Variants in POLR3E observed in about 807,000 individuals in gnomAD.
POLR3E encodes RNA polymerase III subunit E.
POLR3E carries 41 observed loss-of-function variants against 96.6 expected under a neutral mutation model. The ratio of observed to expected loss-of-function variants is 0.42; its 90% CI spans 0.33 to 0.55. The LOEUF is 0.55. Ranked by LOEUF, POLR3E falls within the 20% of genes least tolerant of loss-of-function variation. POLR3E has a pLI of 0.06. For missense variants in POLR3E, 849 were observed against 952.1 expected (o/e 0.89, Z 1.43); for synonymous variants, 396 against 383.6 (o/e 1.03, Z -0.38).
At chr16:22,304,917 G>A (rs1245866671) in intron 2 of POLR3E, among the ~76,000 whole-genome samples, 1 of 152,134 alleles carries the variant, frequency 6.6e-6, no homozygotes, top group Non-Finnish European at 1.5e-5. Context: ...GAACTTGGGT[G>A]GGGGTACCAG....
chr16:22,332,226 T>TG, intron 20 of POLR3E, 41 bp downstream of exon 20: 1 of 1,590,858 alleles, frequency 6.3e-7, no homozygotes, highest in Middle Eastern at 1.7e-4. Flanking sequence ...TCAAAGGCTC[T>TG]GGAAGGGGCT....
chr16:22,311,178 A>G (rs2048237610), intron 6 of POLR3E, among the ~76,000 whole-genome samples: 1 of 151,160 alleles, frequency 6.6e-6, no homozygotes, highest in Non-Finnish European at 1.5e-5. Context: ...CATGTTGGCC[A>G]GGCTGGTCTC....
Position 22,309,361 on chromosome 16 carries a change from C to T in POLR3E, c.282-67C>T, listed in dbSNP as rs1019602549. The T allele has an allele frequency of 6.1e-5, 71 of 1,162,346 alleles. No homozygotes were observed. In the East Asian group the frequency reaches 7.0e-4, roughly 11 times the overall value. The allele number at this position is 1,162,346 out of a possible 1,614,324, so 72.0% of individuals were successfully genotyped here. A position where few individuals can be genotyped will look rare whatever the true frequency, so the allele number is the denominator to read the frequency against. On this transcript the variant is annotated intron_variant, in intron 5 of 20. Transcript: ENST00000299853. ...CAGAAAGTGTCTAGGGGGTGGGGTG[C>T]GCTGTGGCCACAGGCCCTGGCTCGG...
Position 22,313,760 on chromosome 16 carries a change from C to A in POLR3E, c.472+33C>A. 7.1e-7 allele frequency: 1 copy of A among 1,416,898 alleles called. No individual in the cohort carries two copies. Among genetic ancestry groups the A allele is most frequent in the South Asian group, 1.1e-5 (1 of 87,066 alleles). 87.8% of individuals were successfully genotyped at this position (1,416,898 alleles called of 1,614,324 possible). On this transcript the variant is annotated intron_variant, in intron 7 of 20. Coordinates refer to ENST00000299853, the MANE Select transcript of POLR3E (RefSeq NM_018119.4). The surrounding 1 kb of genome is among the most constrained non-coding windows in gnomAD (Gnocchi z 4.1). Reference sequence around the variant, plus strand: ...CGGGATCCCCAGCCCTGCTGCCTGCCTGCCTTCATCCTGGTGGGATGGCTT... The same window carrying A: ...CGGGATCCCCAGCCCTGCTGCCTGCATGCCTTCATCCTGGTGGGATGGCTT...
chr16:22,316,482 G>A, intron 9 of POLR3E, 119 bp from the exon 10 acceptor site: 1 of 721,684 alleles, frequency 1.4e-6, no homozygotes, highest in East Asian at 2.6e-5. Flanking sequence ...GCCGTGCTCA[G>A]GAGGTTGGAT....
intron 8 of POLR3E, 74 bp downstream of exon 8, chr16:22,314,202 C>G: frequency 8.3e-7 from 1 of 1,206,770 alleles, no homozygotes. Flanking sequence ...GGTAGCGGGT[C>G]TTCACAGAAT....
chr16:22,317,128 GC>G lies in POLR3E; in HGVS notation c.792del (p.Ser265AlafsTer21). On this transcript the variant is annotated frameshift_variant, in exon 12 of 21. Coordinates refer to ENST00000299853, the MANE Select transcript of POLR3E (RefSeq NM_018119.4). LOFTEE classifies it high-confidence loss of function. ...TGCTTTTCCCAGAGACAAGCCTGTG[GC>G]CCCCAGCAACGTCCTGTCGATGGCC... is the stretch of plus-strand genomic sequence containing the variant. ...SQEEEKDKPVAPSNVLSMAQL... is the reference protein window; with the variant it reads ...SQEEEKDKPVXPSNVLSMAQL... 1.9e-6 allele frequency: 3 copies of G among 1,614,148 alleles called. No individual in the cohort carries two copies. The highest frequency in any genetic ancestry group is 2.5e-6 in the Non-Finnish European group (3 of 1,179,990).
At position 22,324,395 on chromosome 16, in the gene POLR3E, G is replaced by A; in HGVS notation, c.1110G>A (p.Glu370=). ...FTQSRWVVRK[E]VATVTKLCAE... is the part of the protein sequence containing the mutation. ...AGAGCCGCTGGGTGGTTAGGAAAGAGGTGGCAACCGTGACCAAAGTAAGTG... is the reference window on the plus strand; with the variant it reads ...AGAGCCGCTGGGTGGTTAGGAAAGAAGTGGCAACCGTGACCAAAGTAAGTG... Residue 370 remains glutamate (E), a synonymous_variant, in exon 15 of 21, where the codon GAG becomes GAA. Coordinates refer to ENST00000299853, the MANE Select transcript of POLR3E (RefSeq NM_018119.4). 6.2e-7 allele frequency: 1 copy of A among 1,612,872 alleles called. No individual in the cohort carries two copies. The highest frequency in any genetic ancestry group is 8.5e-7 in the Non-Finnish European group (1 of 1,179,552).
At chr16:22,321,519 CG>C (rs1207233769) in intron 13 of POLR3E, among the ~76,000 whole-genome samples, 2 of 152,160 alleles carry the variant, frequency 1.3e-5, no homozygotes, top group African/African-American at 2.4e-5. Context: ...TGGCGCATCG[CG>C]TATTACATAG....
At position 22,313,350 on chromosome 16, in the gene POLR3E, A is replaced by T. The variant is rs894857246; in HGVS notation, c.365-270A>T. The stretch of plus-strand genomic sequence containing the variant: ...GCTGGGGAGAGGGGCGTGGAACCAG[A>T]CTGGGAGGTGGGACTGAAGGAAGTG... On this transcript the variant is annotated intron_variant, in intron 6 of 20. Transcript: ENST00000299853. This position sits in a 1 kb window ranked among gnomAD's most constrained non-coding sequence, Gnocchi z 4.1. Among the ~76,000 whole-genome samples, 22 of 152,138 alleles carry T rather than the reference A, an allele frequency of 1.4e-4. No individual in the cohort carries two copies. Among genetic ancestry groups the T allele is most frequent in the African/African-American group, 5.3e-4 (22 of 41,430 alleles).
At chr16:22,305,369 C>T (rs1157858925) in intron 3 of POLR3E, 163 bp downstream of exon 3, 1 of 712,092 alleles carries the variant, frequency 1.4e-6, no homozygotes, top group African/African-American at 1.7e-5. Context: ...ATATTGGTCT[C>T]ATTTCAAAGA....
rs749652288 is a variant in POLR3E, at chr16:22,324,367, C to T, written c.1082C>T (p.Thr361Met). ...RGRDFVMWKF[T>M]QSRWVVRKEV... Reference sequence around the variant, plus strand: ...CTTCTCCCTCAGATGTGGAAGTTCACGCAGAGCCGCTGGGTGGTTAGGAAA... The same window carrying T: ...CTTCTCCCTCAGATGTGGAAGTTCATGCAGAGCCGCTGGGTGGTTAGGAAA... The change falls in exon 15 of 21, where the codon ACG becomes ATG. Residue 361 changes from threonine to methionine, a missense_variant. Thr to Met is a moderately conservative substitution (Grantham distance 81). Transcript: ENST00000299853. 3.7e-6 allele frequency: 6 copies of T among 1,612,632 alleles called. No individual in the cohort carries two copies. The highest frequency in any genetic ancestry group is 1.1e-5 in the South Asian group (1 of 91,032).
chr16:22,317,047 G>C lies in POLR3E; in HGVS notation c.773+8G>C. On this transcript the variant is annotated splice_region_variant and intron_variant, in intron 11 of 20. Transcript: ENST00000299853. ...CAGCCAGGAGGAGGAGAAGTGAGTA[G>C]AGGCGGCAGGACACCCTCTCCCTTT... 6.2e-7 allele frequency: 1 copy of C among 1,614,106 alleles called. No homozygotes were observed. The highest frequency in any genetic ancestry group is 8.5e-7 in the Non-Finnish European group (1 of 1,179,926).
chr16:22,309,435 A>G lies in POLR3E; in HGVS notation c.289A>G (p.Met97Val). Reference sequence around the variant, plus strand: ...CTTCTCCCTGTGCTCCAGGAAGCTGATGGACAAGCAGACCTTCTGCTCTTC... The same window carrying G: ...CTTCTCCCTGTGCTCCAGGAAGCTGGTGGACAAGCAGACCTTCTGCTCTTC... ...DETSTYSSKL[M>V]DKQTFCSSQT... is the part of the protein sequence containing the mutation. The change falls in exon 6 of 21, where the codon ATG becomes GTG. Residue 97 changes from methionine to valine, a missense_variant. Coordinates refer to ENST00000299853, the MANE Select transcript of POLR3E (RefSeq NM_018119.4). The G allele has an allele frequency of 6.2e-7, 1 of 1,613,208 alleles. No homozygotes were observed. The highest frequency in any genetic ancestry group is 8.5e-7 in the Non-Finnish European group (1 of 1,179,408).
chr16:22,317,165 C>T lies in POLR3E; in HGVS notation c.824C>T (p.Thr275Met), dbSNP rs143440180. ...GTCCTGTCGATGGCCCAGCTGCGCA[C>T]GCTGCCCCTGGCCGATCAGATCAAG... ...SNVLSMAQLR[T>M]LPLADQIKIL... is the part of the protein sequence containing the mutation. The change falls in exon 12 of 21, where the codon ACG (threonine) becomes ATG (methionine). Residue 275 changes from threonine to methionine, a missense_variant. Thr to Met is a moderately conservative substitution (Grantham distance 81). Transcript: ENST00000299853. 15,413 of 1,613,894 alleles carry T rather than the reference C, an allele frequency of 9.6e-3. 92 individuals are homozygous for T. Among genetic ancestry groups the T allele is most frequent in the Non-Finnish European group, 0.011 (12,773 of 1,179,970 alleles).
At chr16:22,329,802 CTTT>C (rs1325637247) in intron 19 of POLR3E, among the ~76,000 whole-genome samples, 1 of 152,112 alleles carries the variant, frequency 6.6e-6, no homozygotes, top group Non-Finnish European at 1.5e-5. Flanking sequence ...TTTATTACTA[CTTT>C]TTTAATAGAA....
chr16:22,309,178 T>A (rs2048193536), intron 5 of POLR3E, 138 bp downstream of exon 5: 1 of 667,698 alleles, frequency 1.5e-6, no homozygotes, highest in Admixed American at 2.6e-5. Flanking sequence ...GCTGGGCCTG[T>A]CTCAGACTCT....
At chr16:22,332,577 T>C (rs117115694) in intron 20 of POLR3E, among the ~76,000 whole-genome samples, 2,466 of 152,010 alleles carry the variant, frequency 0.016, 93 homozygotes, top group East Asian at 0.1. Flanking sequence ...AACAAAAAAA[T>C]ATGGTAGGTT....
chr16:22,314,395 C>T (rs757162794), intron 8 of POLR3E, among the ~76,000 whole-genome samples: 1 of 152,150 alleles, frequency 6.6e-6, no homozygotes, highest in Non-Finnish European at 1.5e-5. Flanking sequence ...CCTGAGGACC[C>T]GCAGACCAGC....
Sources: allele counts gnomAD v4.1 joint callset (sites outside exome capture counted in the v4.1 genomes callset), GRCh38; gene constraint gnomAD v4.1.1; non-coding constraint Gnocchi (gnomAD v3.1); transcripts MANE v1.5; gene names NCBI Gene and HGNC (gene_info 2026-07-23, HGNC 2026-07-21).